The following ANKFY1 variants were observed in gnomAD, a reference collection of about 807,000 sequenced individuals.
ANKFY1 encodes the protein ankyrin repeat and FYVE domain-containing protein 1.
Under a neutral mutation model 128.3 loss-of-function variants are expected in ANKFY1, and 47 were observed. That is an observed-to-expected ratio of 0.37 (90% CI 0.29 to 0.47). The LOEUF (loss-of-function observed/expected upper bound fraction) is 0.47, where lower values mean the gene tolerates loss of function less well. ANKFY1 is among the 20% of genes least tolerant of loss of function. ANKFY1 has a pLI of 1.00. For synonymous variants in ANKFY1, 553 were observed against 601.6 expected (o/e 0.92, Z 1.18); for missense variants, 1,222 against 1,510.6 (o/e 0.81, Z 3.17).
intron 19 of ANKFY1, among the ~76,000 whole-genome samples, chr17:4,174,908 C>A (rs939803858): frequency 6.6e-6 from 1 of 151,874 alleles, no homozygotes; most frequent in African/African-American, 2.4e-5. Flanking sequence ...AAGAAAAATT[C>A]TGTAGAGACA....
At chr17:4,246,520 C>T (rs1014600203) in intron 1 of ANKFY1, among the ~76,000 whole-genome samples, 1 of 152,182 alleles carries the variant, frequency 6.6e-6, no homozygotes, top group African/African-American at 2.4e-5. Context: ...ATAGTATATA[C>T]CACATCTTGC....
chr17:4,237,802 A>G (rs78238037), intron 2 of ANKFY1, among the ~76,000 whole-genome samples: 2,798 of 152,300 alleles, frequency 0.018, 89 homozygotes, highest in African/African-American at 0.064. Context: ...ACAATTAAGG[A>G]CCTAGTAATT....
At chr17:4,250,632 C>T (rs940262433) in intron 1 of ANKFY1, among the ~76,000 whole-genome samples, 2 of 151,796 alleles carry the variant, frequency 1.3e-5, no homozygotes, top group Non-Finnish European at 2.9e-5. Context: ...AATAAAAATC[C>T]CAGCAAACTG....
At chr17:4,248,541 A>G (rs772833779) in intron 1 of ANKFY1, among the ~76,000 whole-genome samples, 8 of 152,218 alleles carry the variant, frequency 5.3e-5, no homozygotes, top group African/African-American at 9.7e-5. Flanking sequence ...CACTCGGAAC[A>G]GTGTCTGGTT....
At chr17:4,192,775 C>T (rs1295452120) in intron 10 of ANKFY1, among the ~76,000 whole-genome samples, 1 of 152,170 alleles carries the variant, frequency 6.6e-6, no homozygotes, top group East Asian at 1.9e-4. Context: ...ATTGGCTGGT[C>T]CGGGTGCAGT....
At chr17:4,253,070 A>C (rs1967922994) in intron 1 of ANKFY1, among the ~76,000 whole-genome samples, 1 of 152,164 alleles carries the variant, frequency 6.6e-6, no homozygotes, top group African/African-American at 2.4e-5. Flanking sequence ...AAATACAAAA[A>C]TTAGCCGGAC....
chr17:4,208,613 A>C (rs2060068764), intron 5 of ANKFY1, among the ~76,000 whole-genome samples: 1 of 152,230 alleles, frequency 6.6e-6, no homozygotes, highest in Non-Finnish European at 1.5e-5. Context: ...TCCTGTTTCA[A>C]TGCCTTAAAA....
At chr17:4,242,527 C>T in intron 1 of ANKFY1, 79 bp from the exon 2 acceptor site, 6 of 1,276,536 alleles carry the variant, frequency 4.7e-6, no homozygotes, top group Non-Finnish European at 5.3e-6. Context: ...ATCCCATAGA[C>T]AGGAAAGCTC....
intron 9 of ANKFY1, 51 bp downstream of exon 9, chr17:4,195,352 A>G: frequency 1.3e-6 from 2 of 1,567,010 alleles, no homozygotes; most frequent in South Asian, 1.1e-5. Context: ...TTTTTCACTC[A>G]CAATCCCCCC....
chr17:4,263,918 CAA>C lies in ANKFY1; in HGVS notation c.10+12_10+13del, dbSNP rs761229750. ...CTCCGTGTCTTCCCGCGCGGCTCCA[CAA>C]AAAAACCCTACCTTCCGCCATGTCT... On this transcript the variant is annotated intron_variant, in intron 1 of 24. Coordinates refer to ENST00000341657, the MANE Select transcript of ANKFY1 (RefSeq NM_001330063.2). 6.2e-7 allele frequency: 1 copy of C among 1,613,758 alleles called. No individual in the cohort carries two copies. Among genetic ancestry groups the C allele is most frequent in the Non-Finnish European group, 8.5e-7 (1 of 1,179,906 alleles).
chr17:4,181,605 C>T lies in ANKFY1; in HGVS notation c.2122-233G>A, dbSNP rs549922465. On this transcript the variant is annotated intron_variant, in intron 15 of 24. Transcript: ENST00000341657. The surrounding 1 kb of genome is among the most constrained non-coding windows in gnomAD (Gnocchi z 4.9). Reference sequence around the variant, plus strand: ...GTGGGACAGACTTGGGAAGTATAAACAAGTTATGTTTAATTTGTGTCCTTT... The same window carrying T: ...GTGGGACAGACTTGGGAAGTATAAATAAGTTATGTTTAATTTGTGTCCTTT... Among the ~76,000 whole-genome samples the T allele has an allele frequency of 1.3e-5, 2 of 152,256 alleles. No individual in the cohort carries two copies. Among genetic ancestry groups the T allele is most frequent in the South Asian group, 2.1e-4 (1 of 4,826 alleles).
In ANKFY1 at chr17:4,237,678, T is replaced by A. The variant is rs561481551; in HGVS notation, c.204-1788A>T. On this transcript the variant is annotated intron_variant, in intron 2 of 24. Transcript: ENST00000341657. Reference sequence around the variant, plus strand: ...ATTCTATCTTTTGTAATCTGACATATCAAAGGGAAATAAAGATAAGGATTT... The same window carrying A: ...ATTCTATCTTTTGTAATCTGACATAACAAAGGGAAATAAAGATAAGGATTT... 2.0e-5 allele frequency among the ~76,000 whole-genome samples: 3 copies of A among 152,250 alleles called. No individual in the cohort carries two copies. In the South Asian group the frequency reaches 6.2e-4, roughly 32 times the overall value.
At chr17:4,202,870 A>C (rs1158266286) in intron 7 of ANKFY1, among the ~76,000 whole-genome samples, 5 of 151,286 alleles carry the variant, frequency 3.3e-5, no homozygotes, top group Admixed American at 2.0e-4. Context: ...GATAAAAAAA[A>C]ATTTTATATC....
intron 1 of ANKFY1, among the ~76,000 whole-genome samples, chr17:4,258,711 A>G (rs1968255775): frequency 6.6e-6 from 1 of 152,200 alleles, no homozygotes; most frequent in Non-Finnish European, 1.5e-5. Context: ...TACTTGGAAT[A>G]GGACTAGTAC....
chr17:4,230,461 AC>A (rs937732693), intron 3 of ANKFY1, among the ~76,000 whole-genome samples: 47 of 152,206 alleles, frequency 3.1e-4, no homozygotes, highest in African/African-American at 9.4e-4. Flanking sequence ...GTAAAGTGCT[AC>A]AGAGAGGCCA....
At chr17:4,197,954 A>AC (rs910295931) in intron 7 of ANKFY1, among the ~76,000 whole-genome samples, 11 of 150,526 alleles carry the variant, frequency 7.3e-5, no homozygotes, top group Non-Finnish European at 1.3e-4. Flanking sequence ...ACAGGGAAAA[A>AC]CCCCGTCTCT....
At chr17:4,171,344 C>T (rs142403396) in intron 22 of ANKFY1, among the ~76,000 whole-genome samples, 44 of 152,348 alleles carry the variant, frequency 2.9e-4, no homozygotes, top group African/African-American at 1.1e-3. Flanking sequence ...AGTTCTTCCA[C>T]CCCGTGGAGC....
chr17:4,209,414 CCA>C (rs951988157), intron 5 of ANKFY1, among the ~76,000 whole-genome samples: 1 of 152,194 alleles, frequency 6.6e-6, no homozygotes, highest in Non-Finnish European at 1.5e-5. Context: ...GATTCTCCTG[CCA>C]CAGTCTCCTG....
At chr17:4,260,522 G>A (rs1467903922) in intron 1 of ANKFY1, among the ~76,000 whole-genome samples, 1 of 149,196 alleles carries the variant, frequency 6.7e-6, no homozygotes, top group Non-Finnish European at 1.5e-5. Flanking sequence ...GGAGGCTGAA[G>A]TGAGGGAATC....
Sources: gnomAD v4.1 joint callset for allele counts (sites outside exome capture counted in the v4.1 genomes callset) on GRCh38, gnomAD v4.1.1 for gene constraint, Gnocchi (gnomAD v3.1) non-coding constraint, MANE v1.5 for transcripts, NCBI Gene and HGNC (gene_info 2026-07-23, HGNC 2026-07-21) for gene names.